FSHB: variants seen among roughly 807,000 people sequenced by gnomAD.
FSHB encodes follitropin subunit beta.
Under a neutral mutation model 12.1 loss-of-function variants are expected in FSHB, and 8 were observed. That is an observed-to-expected ratio of 0.66 (90% CI 0.39 to 1.19). The LOEUF (loss-of-function observed/expected upper bound fraction) is 1.19. Ranked by LOEUF, FSHB falls within the 50% of genes most tolerant of loss-of-function variation. The probability of loss-of-function intolerance (pLI) is 0.01; values close to 1 mark genes in which losing one functional copy is unlikely to be tolerated. For missense variants in FSHB, 153 were observed against 157.2 expected (o/e 0.97, Z 0.14); for synonymous variants, 55 against 54.6 (o/e 1.01, Z -0.04).
rs1852037100 is a variant in FSHB at position 30,233,618 on chromosome 11, A to T, written c.208A>T (p.Thr70Ser). Reference protein sequence around the residue: ...PARPKIQKTCTFKELVYETVR... With the variant: ...PARPKIQKTCSFKELVYETVR... ...CAGGCCCAAAATCCAGAAAACATGT[A>T]CCTTCAAGGAACTGGTATACGAAAC... Residue 70 changes from threonine to serine, a missense_variant, in exon 3 of 3, where the codon ACC (threonine) becomes TCC (serine). Physicochemically the swap from Thr to Ser is moderately conservative, Grantham distance 58. Transcript: ENST00000533718. 1 of 1,613,910 alleles carries T rather than the reference A, an allele frequency of 6.2e-7. No homozygotes were observed. The highest frequency in any genetic ancestry group is 8.5e-7 in the Non-Finnish European group (1 of 1,179,956).
Position 30,233,552 on chromosome 11 carries a change from T to C in FSHB, c.160-18T>C, listed in dbSNP as rs1248724875. On this transcript the variant is annotated intron_variant, in intron 2 of 2. Transcript: ENST00000533718. Reference sequence around the variant, plus strand: ...CTTCCACAATACCATAACCTAACTCTCTTCTTAAACTCCTCAGGATCTGGT... The same window carrying C: ...CTTCCACAATACCATAACCTAACTCCCTTCTTAAACTCCTCAGGATCTGGT... 2.6e-5 allele frequency: 42 copies of C among 1,590,362 alleles called. No individual in the cohort carries two copies. Among genetic ancestry groups the C allele is most frequent in the Non-Finnish European group, 3.5e-5 (41 of 1,158,638 alleles).
chr11:30,234,062 C>A lies in FSHB; in HGVS notation c.*262C>A. 2.2e-6 allele frequency: 1 copy of A among 448,600 alleles called. No individual in the cohort carries two copies. Among genetic ancestry groups the A allele is most frequent in the Non-Finnish European group, 4.1e-6 (1 of 242,456 alleles). The allele number at this position is 448,600 out of a possible 1,614,324, so 27.8% of individuals were successfully genotyped here. On this transcript the variant is annotated 3_prime_UTR_variant, in exon 3 of 3. Coordinates refer to ENST00000533718, the MANE Select transcript of FSHB (RefSeq NM_001382289.1). ...TAACTCACAGACTTGTGCCTGGTTT[C>A]TTCTTTAAAAATCTTAGAAATCTTC...
At chr11:30,232,752 T>C (rs938697278) in intron 2 of FSHB, among the ~76,000 whole-genome samples, 8 of 152,240 alleles carry the variant, frequency 5.3e-5, no homozygotes, top group African/African-American at 1.9e-4. Flanking sequence ...CCTAATTATC[T>C]ATGCAGAATT....
rs1164024650 is a variant in FSHB at position 30,231,928 on chromosome 11, T to C, written c.26T>C (p.Leu9Pro). 1.2e-6 allele frequency: 2 copies of C among 1,613,938 alleles called. No individual in the cohort carries two copies. Among genetic ancestry groups the C allele is most frequent in the East Asian group, 2.2e-5 (1 of 44,872 alleles). MKTLQFFF[L>P]FCCWKAICCN... ...ATGAAGACACTCCAGTTTTTCTTCC[T>C]TTTCTGTTGCTGGAAAGCAATCTGC... is the stretch of plus-strand genomic sequence containing the variant. Residue 9 changes from leucine (L) to proline (P), a missense_variant, in exon 2 of 3, where the codon CTT becomes CCT. Leu to Pro is a moderately conservative substitution (Grantham distance 98). Coordinates refer to ENST00000533718, the MANE Select transcript of FSHB (RefSeq NM_001382289.1).
intron 2 of FSHB, among the ~76,000 whole-genome samples, chr11:30,232,618 C>T (rs1852024080): frequency 6.6e-6 from 1 of 152,152 alleles, no homozygotes; most frequent in African/African-American, 2.4e-5. Context: ...CCACTCCCTT[C>T]GTTATAGCAT....
Position 30,233,884 on chromosome 11 carries a change from G to GTGGTTTGTCCCCT in FSHB, c.*84_*85insTGGTTTGTCCCCT. 9.0e-7 allele frequency: 1 copy of GTGGTTTGTCCCCT among 1,113,202 alleles called. No individual in the cohort carries two copies. The highest frequency in any genetic ancestry group is 1.3e-6 in the Non-Finnish European group (1 of 749,524). 69.0% of individuals were successfully genotyped at this position (1,113,202 alleles called of 1,614,324 possible). A position where few individuals can be genotyped will look rare whatever the true frequency, so the allele number is the denominator to read the frequency against. ...AGTCTGTGTGTGTGCAATGTGCCCA[G>GTGGTTTGTCCCCT]GGGACAAACCACTGGATCAGGGGAT... On this transcript the variant is annotated 3_prime_UTR_variant, in exon 3 of 3. Transcript: ENST00000533718.
rs1852012722 is a variant in FSHB, at chr11:30,231,936, T to G, written c.34T>G (p.Cys12Gly). ...KTLQFFFLFC[C>G]WKAICCNSCE... ...ACTCCAGTTTTTCTTCCTTTTCTGT[T>G]GCTGGAAAGCAATCTGCTGCAATAG... is the stretch of plus-strand genomic sequence containing the variant. Residue 12 changes from cysteine (C) to glycine (G), a missense_variant, in exon 2 of 3, where the codon TGC becomes GGC. Cys to Gly is a radical substitution (Grantham distance 159). Transcript: ENST00000533718. The G allele has an allele frequency of 6.2e-7, 1 of 1,613,970 alleles. No individual in the cohort carries two copies. The highest frequency in any genetic ancestry group is 2.2e-5 in the East Asian group (1 of 44,872).
chr11:30,232,203 G>A (rs1487814713), intron 2 of FSHB, 142 bp downstream of exon 2: 1 of 845,810 alleles, frequency 1.2e-6, no homozygotes, highest in Non-Finnish European at 1.9e-6. Flanking sequence ...GTTGTGATTG[G>A]GGTTAATGAC....
Position 30,235,031 on chromosome 11 carries a change from G to A in FSHB, c.*1231G>A, listed in dbSNP as rs1852063617. The A allele has an allele frequency of 6.6e-6, 1 of 152,020 alleles. No individual in the cohort carries two copies. Among genetic ancestry groups the A allele is most frequent in the African/African-American group, 2.4e-5 (1 of 41,394 alleles). 9.4% of individuals were successfully genotyped at this position (152,020 alleles called of 1,614,324 possible). ...TCTTATTTTTTTAATAAAGATGCTA[G>A]CCACCAGAGTCACAGGCTTGGATTG... On this transcript the variant is annotated 3_prime_UTR_variant, in exon 3 of 3. Transcript: ENST00000533718.
chr11:30,234,768 T>C lies in FSHB; in HGVS notation c.*968T>C, dbSNP rs574242674. On this transcript the variant is annotated 3_prime_UTR_variant, in exon 3 of 3. Coordinates refer to ENST00000533718, the MANE Select transcript of FSHB (RefSeq NM_001382289.1). ...TAATTTGTCTACAAATATATTTGTA[T>C]AAATAAATAGCTCCTTTAGAAAGAA... 1 of 152,324 alleles carries C rather than the reference T, an allele frequency of 6.6e-6. No individual in the cohort carries two copies. The highest frequency in any genetic ancestry group is 2.1e-4 in the South Asian group (1 of 4,828). 9.4% of individuals were successfully genotyped at this position (152,324 alleles called of 1,614,324 possible). A position where few individuals can be genotyped will look rare whatever the true frequency, so the allele number is the denominator to read the frequency against.
Position 30,231,887 on chromosome 11 carries a change from T to G in FSHB, c.-16T>G, listed in dbSNP as rs375748578. ...TCAGTTTCTAGTGGGCTTCATTGTT[T>G]GCTTCCCAGACCAGGATGAAGACAC... On this transcript the variant is annotated 5_prime_UTR_variant, in exon 2 of 3. Transcript: ENST00000533718. 1.7e-5 allele frequency: 27 copies of G among 1,613,770 alleles called. No individual in the cohort carries two copies. The East Asian group carries it at 5.1e-4, about 31-fold the overall frequency.
chr11:30,234,089 C>A lies in FSHB; in HGVS notation c.*289C>A. On this transcript the variant is annotated 3_prime_UTR_variant, in exon 3 of 3. Transcript: ENST00000533718. The stretch of plus-strand genomic sequence containing the variant: ...TCTTTAAAAATCTTAGAAATCTTCT[C>A]AGGCAATGCCTCTCTCTTAGGGGGA... 1 of 396,934 alleles carries A rather than the reference C, an allele frequency of 2.5e-6. No individual in the cohort carries two copies. The highest frequency in any genetic ancestry group is 4.8e-6 in the Non-Finnish European group (1 of 209,030). The allele number at this position is 396,934 out of a possible 1,614,324, so 24.6% of individuals were successfully genotyped here. A position where few individuals can be genotyped will look rare whatever the true frequency, so the allele number is the denominator to read the frequency against.
In FSHB at chr11:30,231,902, G is replaced by C; in HGVS notation, c.-1G>C. 6.2e-7 allele frequency: 1 copy of C among 1,613,774 alleles called. No individual in the cohort carries two copies. Among genetic ancestry groups the C allele is most frequent in the Non-Finnish European group, 8.5e-7 (1 of 1,179,792 alleles). On this transcript the variant is annotated 5_prime_UTR_variant, in exon 2 of 3. Coordinates refer to ENST00000533718, the MANE Select transcript of FSHB (RefSeq NM_001382289.1). ...CTTCATTGTTTGCTTCCCAGACCAG[G>C]ATGAAGACACTCCAGTTTTTCTTCC...
rs1185803946 is a variant in FSHB, at chr11:30,233,803, A to G, written c.*3A>G. ...CCTTTGGTGAAATGAAAGAATAAAG[A>G]TCAGTGGACATTTCAGGCCACATAC... On this transcript the variant is annotated 3_prime_UTR_variant, in exon 3 of 3. Coordinates refer to ENST00000533718, the MANE Select transcript of FSHB (RefSeq NM_001382289.1). 6.2e-7 allele frequency: 1 copy of G among 1,610,832 alleles called. No individual in the cohort carries two copies. Among genetic ancestry groups the G allele is most frequent in the African/African-American group, 1.3e-5 (1 of 74,968 alleles).
At chr11:30,231,289 G>A (rs1373638370) in intron 1 of FSHB, among the ~76,000 whole-genome samples, 2 of 152,134 alleles carry the variant, frequency 1.3e-5, no homozygotes, top group East Asian at 3.9e-4. Flanking sequence ...GTGAGCAAAA[G>A]AAAATATTTA....
chr11:30,233,766 C>T lies in FSHB; in HGVS notation c.356C>T (p.Pro119Leu). 6.2e-7 allele frequency: 1 copy of T among 1,613,968 alleles called. No individual in the cohort carries two copies. Among genetic ancestry groups the T allele is most frequent in the East Asian group, 2.2e-5 (1 of 44,860 alleles). The change falls in exon 3 of 3, where the codon CCC becomes CTC. Residue 119 changes from proline to leucine, a missense_variant. Pro to Leu is a moderately conservative substitution (Grantham distance 98). Transcript: ENST00000533718. ...STDCTVRGLG[P>L]SYCSFGEMKE ...GATTGTACTGTGCGAGGCCTGGGGC[C>T]CAGCTACTGCTCCTTTGGTGAAATG...
At position 30,235,150 on chromosome 11, in the gene FSHB, T is replaced by C. The variant is rs1373489317; in HGVS notation, c.*1350T>C. ...ATAATTCCCAGTGTTTCTATAAATATTACCTTTCCTTATCTTTGGAGATAT... is the reference window on the plus strand; with the variant it reads ...ATAATTCCCAGTGTTTCTATAAATACTACCTTTCCTTATCTTTGGAGATAT... On this transcript the variant is annotated 3_prime_UTR_variant, in exon 3 of 3. Coordinates refer to ENST00000533718, the MANE Select transcript of FSHB (RefSeq NM_001382289.1). 1 of 152,204 alleles carries C rather than the reference T, an allele frequency of 6.6e-6. No individual in the cohort carries two copies. The allele number at this position is 152,204 out of a possible 1,614,324, so 9.4% of individuals were successfully genotyped here. A position where few individuals can be genotyped will look rare whatever the true frequency, so the allele number is the denominator to read the frequency against.
chr11:30,232,129 T>C (rs1852017039), intron 2 of FSHB, 68 bp downstream of exon 2: 3 of 1,494,620 alleles, frequency 2.0e-6, no homozygotes, highest in Non-Finnish European at 2.8e-6. Flanking sequence ...CATTAGTTTC[T>C]ACTTTATCAA....
rs1474931811 is a variant in FSHB, at chr11:30,233,847, A to C, written c.*47A>C. On this transcript the variant is annotated 3_prime_UTR_variant, in exon 3 of 3. Transcript: ENST00000533718. ...CACATACCCTTGTCCTGAAGGACCA[A>C]GATATTCAAAAAGTCTGTGTGTGTG... is the stretch of plus-strand genomic sequence containing the variant. 6.6e-7 allele frequency: 1 copy of C among 1,515,978 alleles called. No homozygotes were observed. The highest frequency in any genetic ancestry group is 2.3e-5 in the East Asian group (1 of 44,032). 93.9% of individuals were successfully genotyped at this position (1,515,978 alleles called of 1,614,324 possible). A position where few individuals can be genotyped will look rare whatever the true frequency, so the allele number is the denominator to read the frequency against.
Sources: allele counts gnomAD v4.1 joint callset (sites outside exome capture counted in the v4.1 genomes callset), GRCh38; gene constraint gnomAD v4.1.1; transcripts MANE v1.5; gene names NCBI Gene and HGNC (gene_info 2026-07-23, HGNC 2026-07-21).